STK32A: variants seen among roughly 807,000 people sequenced by gnomAD.
STK32A encodes serine/threonine kinase 32A, also known as serine/threonine-protein kinase 32A.
STK32A carries 41 observed loss-of-function variants against 53.2 expected under a neutral mutation model. The observed-to-expected ratio is 0.77, with a 90% CI of 0.60 to 1.00. The LOEUF (loss-of-function observed/expected upper bound fraction) is 1.00, where lower values mean the gene tolerates loss of function less well. STK32A is among the 50% of genes least tolerant of loss of function. The pLI is 0.00. For missense variants in STK32A, 458 were observed against 485.8 expected, an observed-to-expected ratio of 0.94 and a Z score of 0.54; for synonymous variants, 166 against 162.8, an observed-to-expected ratio of 1.02 and a Z score of -0.15.
chr5:147,302,228 T>A (rs1753175683), intron 4 of STK32A, among the ~76,000 whole-genome samples: 1 of 152,216 alleles, frequency 6.6e-6, no homozygotes, highest in African/African-American at 2.4e-5. Context: ...ATCTATGCCA[T>A]TCACAAGATT....
intron 2 of STK32A, among the ~76,000 whole-genome samples, chr5:147,270,368 A>G (rs1048428564): frequency 2.7e-5 from 4 of 147,746 alleles, no homozygotes; most frequent in African/African-American, 1.0e-4. Flanking sequence ...ATGCATCACC[A>G]CACTCGACTA....
At chr5:147,280,673 C>A (rs1333275885) in intron 4 of STK32A, among the ~76,000 whole-genome samples, 1 of 151,754 alleles carries the variant, frequency 6.6e-6, no homozygotes, top group Non-Finnish European at 1.5e-5. Flanking sequence ...AGACACCTAG[C>A]CCTGCCCCCA....
chr5:147,342,972 T>C (rs375700746), intron 5 of STK32A, 34 bp from the exon 6 acceptor site: 28 of 1,611,538 alleles, frequency 1.7e-5, no homozygotes, highest in Non-Finnish European at 2.3e-5. Context: ...CGTTTTATTG[T>C]GAGCAACTTT....
chr5:147,266,094 T>C (rs17106348), intron 2 of STK32A, among the ~76,000 whole-genome samples: 5,034 of 152,208 alleles, frequency 0.033, 278 homozygotes, highest in African/African-American at 0.12. Flanking sequence ...CATAATGAGG[T>C]ATATTTATTT....
At chr5:147,321,814 C>T (rs190660840) in intron 4 of STK32A, among the ~76,000 whole-genome samples, 8 of 152,262 alleles carry the variant, frequency 5.3e-5, no homozygotes, top group Admixed American at 2.6e-4. Context: ...TATGCTAACC[C>T]GGTCTGAGTA....
At chr5:147,321,296 T>G (rs895116956) in intron 4 of STK32A, among the ~76,000 whole-genome samples, 1 of 152,234 alleles carries the variant, frequency 6.6e-6, no homozygotes, top group South Asian at 2.1e-4. Flanking sequence ...TCAGATGATA[T>G]GAAGTTGAAT....
rs1215797669 is a variant in STK32A at position 147,384,485 on chromosome 5, C to T, written c.*502C>T. The stretch of plus-strand genomic sequence containing the variant: ...CTTGGATAAAGATAAGGAATTCTAT[C>T]AGGGAGGCATGAATGGAATCAGATT... On this transcript the variant is annotated 3_prime_UTR_variant, in exon 13 of 13. Coordinates refer to ENST00000397936, the MANE Select transcript of STK32A (RefSeq NM_001112724.2). 7.0e-7 allele frequency: 1 copy of T among 1,428,112 alleles called. No individual in the cohort carries two copies. The highest frequency in any genetic ancestry group is 1.4e-5 in the African/African-American group (1 of 70,412). 88.5% of individuals were successfully genotyped at this position (1,428,112 alleles called of 1,614,324 possible).
intron 2 of STK32A, among the ~76,000 whole-genome samples, chr5:147,263,164 A>G (rs1212305040): frequency 6.6e-6 from 1 of 152,224 alleles, no homozygotes; most frequent in Non-Finnish European, 1.5e-5. Context: ...CTTGGCTCTG[A>G]TAATACTGGC....
intron 4 of STK32A, among the ~76,000 whole-genome samples, chr5:147,279,636 G>C (rs923754969): frequency 1.3e-5 from 2 of 148,334 alleles, no homozygotes; most frequent in East Asian, 1.9e-4. Context: ...TGTCATGTAA[G>C]GGGGGGTTTG....
chr5:147,371,753 C>G (rs985959931), intron 9 of STK32A, among the ~76,000 whole-genome samples: 1 of 152,142 alleles, frequency 6.6e-6, no homozygotes, highest in Non-Finnish European at 1.5e-5. Context: ...TTGTTGAACT[C>G]AAGTCACAAG....
At chr5:147,314,385 C>T (rs1206143776) in intron 4 of STK32A, among the ~76,000 whole-genome samples, 1 of 151,588 alleles carries the variant, frequency 6.6e-6, no homozygotes, top group East Asian at 1.9e-4. Flanking sequence ...GTATCCCCAG[C>T]TACTTGGGAG....
intron 2 of STK32A, among the ~76,000 whole-genome samples, chr5:147,245,813 G>A (rs1206089080): frequency 6.6e-6 from 1 of 152,184 alleles, no homozygotes; most frequent in African/African-American, 2.4e-5. Flanking sequence ...AAAACTCAGT[G>A]TTCTACTTTT....
chr5:147,320,300 T>C (rs1476198101), intron 4 of STK32A, among the ~76,000 whole-genome samples: 1 of 152,190 alleles, frequency 6.6e-6, no homozygotes, highest in Non-Finnish European at 1.5e-5. Context: ...TTCTTTTTAC[T>C]TCTTTACCAT....
chr5:147,343,156 G>T, intron 6 of STK32A, 113 bp downstream of exon 6: 3 of 1,195,704 alleles, frequency 2.5e-6, no homozygotes, highest in South Asian at 1.2e-5. Context: ...ATTCATTCGA[G>T]CTCTACTTAC....
intron 1 of STK32A, among the ~76,000 whole-genome samples, chr5:147,237,156 C>CAA (rs539738934): frequency 1.3e-5 from 2 of 151,906 alleles, no homozygotes; most frequent in Admixed American, 6.6e-5. Flanking sequence ...ACTAAAAATA[C>CAA]AAAAAAATTA....
intron 4 of STK32A, among the ~76,000 whole-genome samples, chr5:147,285,786 A>C (rs13165470): frequency 1.3e-5 from 2 of 152,116 alleles, no homozygotes; most frequent in African/African-American, 4.8e-5. Context: ...AAAAAATCAA[A>C]AAACAGCAGA....
At chr5:147,251,762 G>A (rs931207721) in intron 2 of STK32A, among the ~76,000 whole-genome samples, 1 of 142,312 alleles carries the variant, frequency 7.0e-6, no homozygotes, top group African/African-American at 2.6e-5. Context: ...CATTATTAAT[G>A]AAGTATTGGG....
the STK32A span, chr5:147,400,928 T>G: frequency 6.8e-7 from 1 of 1,475,180 alleles, no homozygotes; most frequent in Non-Finnish European, 9.0e-7. Flanking sequence ...GTTTGCACTC[T>G]GACTATTTGG....
At chr5:147,367,706 G>T (rs1210422424) in intron 8 of STK32A, among the ~76,000 whole-genome samples, 4 of 152,074 alleles carry the variant, frequency 2.6e-5, no homozygotes, top group Admixed American at 1.3e-4. Context: ...CACTTCTTTT[G>T]TGGTGGAATA....
Sources: allele counts gnomAD v4.1 joint callset (sites outside exome capture counted in the v4.1 genomes callset), GRCh38; gene constraint gnomAD v4.1.1; transcripts MANE v1.5; gene names NCBI Gene and HGNC (gene_info 2026-07-23, HGNC 2026-07-21).